Variants in ASXL2 observed in about 807,000 individuals in gnomAD.
ASXL2 encodes ASXL transcriptional regulator 2, also known as putative Polycomb group protein ASXL2.
A neutral mutation model predicts 122.0 loss-of-function variants in ASXL2; 23 were observed. That is an observed-to-expected ratio of 0.19 (90% CI 0.14 to 0.27). ASXL2 has a LOEUF of 0.27. Ranked by LOEUF, ASXL2 falls within the 10% of genes least tolerant of loss-of-function variation. The probability of loss-of-function intolerance (pLI) is 1.00; values close to 1 mark genes in which losing one functional copy is unlikely to be tolerated. For missense variants in ASXL2, 1,518 were observed against 1,713.8 expected (o/e 0.89, Z 2.02); for synonymous variants, 650 against 637.0 (o/e 1.02, Z -0.31).
chr2:25,817,870 G>A (rs997703123), intron 3 of ASXL2, among the ~76,000 whole-genome samples: 10 of 152,306 alleles, frequency 6.6e-5, no homozygotes, highest in Non-Finnish European at 1.2e-4. Context: ...AGAAGGGGAT[G>A]CCTATACATA....
At chr2:25,860,731 A>C (rs1286789509) in intron 1 of ASXL2, among the ~76,000 whole-genome samples, 8 of 1,002 alleles carry the variant, frequency 8.0e-3, no homozygotes, top group Non-Finnish European at 0.012. Flanking sequence ...AAAAAGATCT[A>C]TGCTGGGTGT....
At chr2:25,841,497 T>C (rs894703017) in intron 2 of ASXL2, among the ~76,000 whole-genome samples, 2 of 151,904 alleles carry the variant, frequency 1.3e-5, no homozygotes, top group African/African-American at 4.8e-5. Context: ...TACAGAGAAA[T>C]TGTATGTTTT....
intron 8 of ASXL2, among the ~76,000 whole-genome samples, chr2:25,763,927 G>A (rs1381745974): frequency 6.6e-6 from 1 of 152,046 alleles, no homozygotes; most frequent in Non-Finnish European, 1.5e-5. Context: ...TCTGACCAGA[G>A]GCTTCATAAC....
chr2:25,836,435 A>C (rs1443717818), intron 2 of ASXL2, among the ~76,000 whole-genome samples: 3 of 152,328 alleles, frequency 2.0e-5, no homozygotes, highest in Non-Finnish European at 4.4e-5. Flanking sequence ...GTAGTAGAGA[A>C]TATTGACTTT....
Position 25,742,852 on chromosome 2 carries a change from C to T in ASXL2, c.3485G>A (p.Gly1162Glu). The T allele has an allele frequency of 6.2e-7, 1 of 1,613,998 alleles. No individual in the cohort carries two copies. Among genetic ancestry groups the T allele is most frequent in the Non-Finnish European group, 8.5e-7 (1 of 1,179,894 alleles). The change falls in exon 13 of 13, where the codon GGA becomes GAA. Residue 1162 changes from glycine to glutamate, a missense_variant. Gly to Glu is a moderately conservative substitution (Grantham distance 98, BLOSUM62 -2). Around this residue, in one of 8 missense-constraint regions of ASXL2, gnomAD observed 831 missense variants for 833.1 expected, o/e 1.00. Transcript: ENST00000435504. ...LSSPTEALKM[G>E]YTDCKNATGE... ...TGTTGCATTTTTACAGTCTGTATATCCCATTTTCAAGGCTTCAGTGGGGCT... is the reference window on the plus strand; with the variant it reads ...TGTTGCATTTTTACAGTCTGTATATTCCATTTTCAAGGCTTCAGTGGGGCT...
At chr2:25,785,020 T>C (rs188456298) in intron 5 of ASXL2, among the ~76,000 whole-genome samples, 8 of 152,352 alleles carry the variant, frequency 5.3e-5, no homozygotes, top group Admixed American at 2.0e-4. Context: ...CCCAGGCTAA[T>C]AGAATTTTTC....
chr2:25,808,683 G>GT (rs771716958), intron 3 of ASXL2, among the ~76,000 whole-genome samples: 28 of 151,998 alleles, frequency 1.8e-4, no homozygotes, highest in Non-Finnish European at 3.1e-4. Context: ...TTTTTGTTTT[G>GT]TTTTTTGGAG....
chr2:25,752,592 A>T (rs1283071666), intron 11 of ASXL2, among the ~76,000 whole-genome samples: 1 of 152,180 alleles, frequency 6.6e-6, no homozygotes, highest in Non-Finnish European at 1.5e-5. Flanking sequence ...TCATACCTGT[A>T]ATCCCAGCAC....
rs565367505 is a variant in ASXL2, at chr2:25,815,296, C to T, written c.144-8959G>A. Among the ~76,000 whole-genome samples the T allele has an allele frequency of 2.6e-5, 4 of 152,252 alleles. No individual in the cohort carries two copies. In the South Asian group the frequency reaches 8.3e-4, roughly 32 times the overall value. On this transcript the variant is annotated intron_variant, in intron 3 of 12. Transcript: ENST00000435504. Reference sequence around the variant, plus strand: ...GACCTTGACCATTCTGCTACACACCCTCTCTGCCAGCCTACTCTACCTTTC... The same window carrying T: ...GACCTTGACCATTCTGCTACACACCTTCTCTGCCAGCCTACTCTACCTTTC...
chr2:25,845,768 T>G (rs554651241), intron 1 of ASXL2, among the ~76,000 whole-genome samples: 1 of 152,282 alleles, frequency 6.6e-6, no homozygotes, highest in East Asian at 1.9e-4. Context: ...AGATTATCCA[T>G]TTCCTGGTAA....
In ASXL2 at chr2:25,871,961, T is replaced by C. The variant is rs536650381; in HGVS notation, c.57+6205A>G. Among the ~76,000 whole-genome samples, 7 of 152,356 alleles carry C rather than the reference T, an allele frequency of 4.6e-5. No individual in the cohort carries two copies. In the South Asian group the frequency reaches 1.4e-3, roughly 32 times the overall value. ...AATTTTTTTAAAAATTAAAGAACTT[T>C]TTATTAAACTCTTGGGTGAAAAGGA... On this transcript the variant is annotated intron_variant, in intron 1 of 12. Coordinates refer to ENST00000435504, the MANE Select transcript of ASXL2 (RefSeq NM_018263.6).
At chr2:25,822,942 C>A in intron 3 of ASXL2, 1 of 526,992 alleles carries the variant, frequency 1.9e-6, no homozygotes, top group Non-Finnish European at 3.8e-6. Flanking sequence ...AATGCCAGAT[C>A]GGGAGTAAGG....
intron 4 of ASXL2, among the ~76,000 whole-genome samples, chr2:25,805,543 T>C (rs1230261716): frequency 6.6e-6 from 1 of 151,766 alleles, no homozygotes; most frequent in Non-Finnish European, 1.5e-5. Context: ...CAACTGTGAA[T>C]TGTGAGAGAG....
At chr2:25,801,919 T>C (rs962406455) in intron 4 of ASXL2, among the ~76,000 whole-genome samples, 3 of 152,216 alleles carry the variant, frequency 2.0e-5, no homozygotes, top group Admixed American at 2.0e-4. Context: ...CTGTGACATC[T>C]ACCACCCAAC....
intron 6 of ASXL2, among the ~76,000 whole-genome samples, chr2:25,770,494 C>T (rs1224457521): frequency 6.6e-6 from 1 of 152,158 alleles, no homozygotes; most frequent in Non-Finnish European, 1.5e-5. Flanking sequence ...GTGGCTCACG[C>T]CTGTAATCTC....
chr2:25,831,677 T>C (rs1040186432), intron 3 of ASXL2, among the ~76,000 whole-genome samples: 4 of 151,714 alleles, frequency 2.6e-5, no homozygotes, highest in Admixed American at 2.6e-4. Flanking sequence ...CCTGAAGATG[T>C]AACAGGATTT....
Position 25,864,157 on chromosome 2 carries a change from C to T in ASXL2, c.57+14009G>A, listed in dbSNP as rs148966371. ...CATGAACCACTCGTTAACGGTGGAGCACTGGGCACAAAAGCAGCAACAGTA... is the reference window on the plus strand; with the variant it reads ...CATGAACCACTCGTTAACGGTGGAGTACTGGGCACAAAAGCAGCAACAGTA... On this transcript the variant is annotated intron_variant, in intron 1 of 12. Coordinates refer to ENST00000435504, the MANE Select transcript of ASXL2 (RefSeq NM_018263.6). 2.4e-3 allele frequency among the ~76,000 whole-genome samples: 367 copies of T among 152,170 alleles called. 5 individuals are homozygous for T. The highest frequency in any genetic ancestry group is 8.4e-3 in the African/African-American group (350 of 41,472).
intron 9 of ASXL2, among the ~76,000 whole-genome samples, chr2:25,757,548 G>A (rs1290248807): frequency 2.0e-5 from 3 of 149,786 alleles, no homozygotes; most frequent in African/African-American, 7.4e-5. Flanking sequence ...GGTGGCACAC[G>A]CCTGTAATCC....
Position 25,737,139 on chromosome 2 carries a change from C to T in ASXL2, c.*4890G>A, listed in dbSNP as rs1258061370. On this transcript the variant is annotated 3_prime_UTR_variant, in exon 13 of 13. Coordinates refer to ENST00000435504, the MANE Select transcript of ASXL2 (RefSeq NM_018263.6). ...GTTTCTCTTCACATTATTTTCCTTG[C>T]TCTTTGACCTCTCCAGATTAGACGG... is the stretch of plus-strand genomic sequence containing the variant. 6.6e-6 allele frequency: 1 copy of T among 151,936 alleles called. No homozygotes were observed. The highest frequency in any genetic ancestry group is 6.6e-5 in the Admixed American group (1 of 15,258). The allele number at this position is 151,936 out of a possible 1,614,324, so 9.4% of individuals were successfully genotyped here.
Sources: gnomAD v4.1 joint callset for allele counts (sites outside exome capture counted in the v4.1 genomes callset) on GRCh38, gnomAD v4.1.1 for gene constraint, gnomAD v4.1.1 regional missense constraint, MANE v1.5 for transcripts, NCBI Gene and HGNC (gene_info 2026-07-23, HGNC 2026-07-21) for gene names.